PTPRQ: variants seen among roughly 807,000 people sequenced by gnomAD.
The protein encoded by PTPRQ is protein tyrosine phosphatase receptor type Q, also known as phosphatidylinositol phosphatase PTPRQ.
A neutral mutation model predicts 246.0 loss-of-function variants in PTPRQ; 199 were observed. The observed-to-expected ratio is 0.81, with a 90% CI of 0.72 to 0.91. The LOEUF is 0.91. Ranked by LOEUF, PTPRQ falls within the 40% of genes least tolerant of loss-of-function variation. The probability of loss-of-function intolerance (pLI) is 0.00; values close to 1 mark genes in which losing one functional copy is unlikely to be tolerated. For synonymous variants in PTPRQ, 869 were observed against 853.2 expected (o/e 1.02, Z -0.32); for missense variants, 2,624 against 2,528.4 (o/e 1.04, Z -0.81).
At chr12:80,485,782 C>T (rs1894253145) in intron 9 of PTPRQ, among the ~76,000 whole-genome samples, 1 of 152,114 alleles carries the variant, frequency 6.6e-6, no homozygotes, top group African/African-American at 2.4e-5. Context: ...ACTGAGCTTT[C>T]CTAGTACTAG....
chr12:80,544,169 T>C (rs1342706491), intron 23 of PTPRQ, among the ~76,000 whole-genome samples: 1 of 152,118 alleles, frequency 6.6e-6, no homozygotes. Flanking sequence ...TGTGCTTCAG[T>C]AGGGACATTG....
rs532843516 is a variant in PTPRQ at position 80,678,490 on chromosome 12, C to T, written c.6739-112C>T. 5.6e-5 allele frequency: 70 copies of T among 1,255,940 alleles called. No homozygotes were observed. In the East Asian group the frequency reaches 1.8e-3, roughly 32 times the overall value. 77.8% of individuals were successfully genotyped at this position (1,255,940 alleles called of 1,614,324 possible). A position where few individuals can be genotyped will look rare whatever the true frequency, so the allele number is the denominator to read the frequency against. On this transcript the variant is annotated intron_variant, in intron 43 of 44. Transcript: ENST00000644991. ...ACTATGATAAATTCTGTGTCTGTAACTTAGCTATTTATTTGATGAATTCAG... is the reference window on the plus strand; with the variant it reads ...ACTATGATAAATTCTGTGTCTGTAATTTAGCTATTTATTTGATGAATTCAG...
intron 34 of PTPRQ, among the ~76,000 whole-genome samples, chr12:80,633,386 C>T (rs1899516288): frequency 6.6e-6 from 1 of 152,200 alleles, no homozygotes; most frequent in Admixed American, 6.5e-5. Flanking sequence ...GCTGAATTTT[C>T]CAAGTGTATC....
At chr12:80,515,674 T>C (rs1240868630) in intron 17 of PTPRQ, among the ~76,000 whole-genome samples, 3 of 151,888 alleles carry the variant, frequency 2.0e-5, no homozygotes, top group Non-Finnish European at 4.4e-5. Flanking sequence ...CCTCAGGTGA[T>C]CCTCCTGTCT....
chr12:80,509,021 A>G (rs904477558), intron 16 of PTPRQ, among the ~76,000 whole-genome samples: 8 of 152,040 alleles, frequency 5.3e-5, no homozygotes, highest in Admixed American at 5.2e-4. Flanking sequence ...ATTTATAGGT[A>G]TTTGCTTTGA....
chr12:80,495,744 T>A (rs1894597150), intron 12 of PTPRQ, among the ~76,000 whole-genome samples: 1 of 152,028 alleles, frequency 6.6e-6, no homozygotes, highest in African/African-American at 2.4e-5. Context: ...CCAAGTCAAC[T>A]ATACACCCTG....
In PTPRQ at chr12:80,679,136, T is replaced by G. The variant is rs940355458; in HGVS notation, c.*113T>G. ...AACCTTAAAGAAATATCTATGCTTC[T>G]CTCACTGTGCCTTTCCAAACGGATT... On this transcript the variant is annotated 3_prime_UTR_variant, in exon 45 of 45. Coordinates refer to ENST00000644991, the MANE Select transcript of PTPRQ (RefSeq NM_001145026.2). 2 of 1,306,688 alleles carry G rather than the reference T, an allele frequency of 1.5e-6. No individual in the cohort carries two copies. Among genetic ancestry groups the G allele is most frequent in the Admixed American group, 2.9e-5 (1 of 34,746 alleles). 80.9% of individuals were successfully genotyped at this position (1,306,688 alleles called of 1,614,324 possible). A position where few individuals can be genotyped will look rare whatever the true frequency, so the allele number is the denominator to read the frequency against.
At chr12:80,629,185 AAGAG>A (rs200653252) in intron 33 of PTPRQ, among the ~76,000 whole-genome samples, 1 of 147,598 alleles carries the variant, frequency 6.8e-6, no homozygotes, top group Non-Finnish European at 1.5e-5. Flanking sequence ...GAGAGAGAGA[AAGAG>A]AGAGAGAGAG....
intron 17 of PTPRQ, among the ~76,000 whole-genome samples, chr12:80,530,149 A>G (rs1699256193): frequency 1.3e-5 from 2 of 152,052 alleles, no homozygotes; most frequent in Non-Finnish European, 2.9e-5. Flanking sequence ...CTGGCTTTCT[A>G]GTGAATAATT....
intron 3 of PTPRQ, among the ~76,000 whole-genome samples, chr12:80,448,661 G>A (rs1318881929): frequency 6.7e-6 from 1 of 149,688 alleles, no homozygotes; most frequent in Admixed American, 6.7e-5. Context: ...TACTGAGAAT[G>A]ATGATTTCCA....
intron 33 of PTPRQ, among the ~76,000 whole-genome samples, chr12:80,625,424 A>C (rs555743344): frequency 6.6e-6 from 1 of 152,268 alleles, no homozygotes; most frequent in Non-Finnish European, 1.5e-5. Context: ...CACCACAGGC[A>C]ATGAGCACTA....
Position 80,505,372 on chromosome 12 carries a change from T to G in PTPRQ, c.2273-652T>G, listed in dbSNP as rs530931451. 1.1e-4 allele frequency among the ~76,000 whole-genome samples: 17 copies of G among 152,100 alleles called. No individual in the cohort carries two copies. The East Asian group carries it at 3.3e-3, about 29-fold the overall frequency. ...ATGTTATACAGAGTTTTAGTTATTTTAAGTAAGATATTCACTCAGTTTAGG... is the reference window on the plus strand; with the variant it reads ...ATGTTATACAGAGTTTTAGTTATTTGAAGTAAGATATTCACTCAGTTTAGG... On this transcript the variant is annotated intron_variant, in intron 14 of 44. Transcript: ENST00000644991.
intron 24 of PTPRQ, chr12:80,546,971 A>G (rs929816112): frequency 1.5e-4 from 40 of 258,764 alleles, no homozygotes; most frequent in Non-Finnish European, 5.0e-5. Flanking sequence ...GATATCTGTG[A>G]AAATTACCTA....
intron 16 of PTPRQ, among the ~76,000 whole-genome samples, chr12:80,508,858 A>G (rs920207451): frequency 1.3e-5 from 2 of 152,052 alleles, no homozygotes; most frequent in Admixed American, 1.3e-4. Flanking sequence ...TAAAGACACC[A>G]CGCTTTATCT....
chr12:80,562,398 T>C (rs1342331392), intron 25 of PTPRQ, among the ~76,000 whole-genome samples: 2 of 152,206 alleles, frequency 1.3e-5, no homozygotes, highest in Non-Finnish European at 2.9e-5. Context: ...TGAAACTATC[T>C]GAACTTAGAG....
intron 9 of PTPRQ, among the ~76,000 whole-genome samples, chr12:80,487,988 G>C (rs540121579): frequency 6.6e-6 from 1 of 151,998 alleles, no homozygotes; most frequent in Admixed American, 6.6e-5. Context: ...GAATCTACTT[G>C]CAGCCTCATT....
intron 30 of PTPRQ, among the ~76,000 whole-genome samples, chr12:80,617,964 C>T (rs565801803): frequency 1.3e-5 from 2 of 151,366 alleles, no homozygotes; most frequent in South Asian, 4.1e-4. Context: ...TTTCATCTTC[C>T]CTTTTACAGG....
intron 8 of PTPRQ, among the ~76,000 whole-genome samples, chr12:80,472,670 C>T (rs904887182): frequency 7.2e-5 from 11 of 152,182 alleles, no homozygotes; most frequent in South Asian, 2.1e-4. Context: ...ATAATCAAAA[C>T]GGGATTCTAA....
intron 25 of PTPRQ, among the ~76,000 whole-genome samples, chr12:80,554,784 C>T (rs981447066): frequency 6.6e-6 from 1 of 152,068 alleles, no homozygotes; most frequent in Non-Finnish European, 1.5e-5. Context: ...ACTATGTCAC[C>T]GAGGCTGGAG....
Sources: allele counts gnomAD v4.1 joint callset (sites outside exome capture counted in the v4.1 genomes callset), GRCh38; gene constraint gnomAD v4.1.1; transcripts MANE v1.5; gene names NCBI Gene and HGNC (gene_info 2026-07-23, HGNC 2026-07-21).